Variants in GNA14 observed in about 807,000 individuals in gnomAD.
GNA14 encodes guanine nucleotide-binding protein subunit alpha-14.
Under a neutral mutation model 42.0 loss-of-function variants are expected in GNA14, and 50 were observed. The observed-to-expected ratio is 1.19, with a 90% CI of 0.95 to 1.51. The LOEUF (loss-of-function observed/expected upper bound fraction) is 1.51. Ranked by LOEUF, GNA14 falls within the 40% of genes most tolerant of loss-of-function variation. GNA14 has a pLI of 0.00. For missense variants in GNA14, 473 were observed against 446.2 expected (o/e 1.06, Z -0.54); for synonymous variants, 173 against 163.1 (o/e 1.06, Z -0.46).
chr9:77,551,344 G>A (rs1202970270), intron 1 of GNA14, among the ~76,000 whole-genome samples: 1 of 152,072 alleles, frequency 6.6e-6, no homozygotes, highest in Non-Finnish European at 1.5e-5. Flanking sequence ...CTGCAGATAA[G>A]CAGGGTCTTT....
intron 1 of GNA14, among the ~76,000 whole-genome samples, chr9:77,631,467 TAAAAAAA>T (rs59294268): frequency 8.1e-6 from 1 of 123,404 alleles, no homozygotes; most frequent in African/African-American, 3.0e-5. Context: ...ACTTTTTATG[TAAAAAAA>T]AAAAAAAAAA....
chr9:77,567,235 C>T (rs1822981025), intron 1 of GNA14, among the ~76,000 whole-genome samples: 1 of 152,190 alleles, frequency 6.6e-6, no homozygotes, highest in Admixed American at 6.5e-5. Flanking sequence ...TATTGACCTA[C>T]TCCAATTTTC....
At chr9:77,620,121 G>A (rs1823897644) in intron 1 of GNA14, among the ~76,000 whole-genome samples, 1 of 152,070 alleles carries the variant, frequency 6.6e-6, no homozygotes, top group Non-Finnish European at 1.5e-5. Flanking sequence ...CACACACAGA[G>A]TCTATCTGCC....
At chr9:77,584,878 G>A (rs1823279829) in intron 1 of GNA14, among the ~76,000 whole-genome samples, 1 of 152,110 alleles carries the variant, frequency 6.6e-6, no homozygotes, top group African/African-American at 2.4e-5. Context: ...ATGTTGCCAT[G>A]GCATTTGTAA....
chr9:77,620,707 C>A (rs140334804), intron 1 of GNA14, among the ~76,000 whole-genome samples: 5 of 151,910 alleles, frequency 3.3e-5, no homozygotes, highest in Non-Finnish European at 7.4e-5. Flanking sequence ...ATTAACCAGA[C>A]ATGGTGGTGC....
At chr9:77,614,800 G>C (rs1823784355) in intron 1 of GNA14, among the ~76,000 whole-genome samples, 1 of 152,062 alleles carries the variant, frequency 6.6e-6, no homozygotes, top group Admixed American at 6.5e-5. Context: ...CATTCTCTCT[G>C]CATCATCCAC....
intron 1 of GNA14, among the ~76,000 whole-genome samples, chr9:77,551,753 T>A (rs566108793): frequency 3.2e-4 from 49 of 151,552 alleles, no homozygotes; most frequent in African/African-American, 4.4e-4. Context: ...TTGCTTTTTT[T>A]AAAAAAAAAT....
Position 77,613,087 on chromosome 9 carries a change from G to A in GNA14, c.124+34583C>T, listed in dbSNP as rs181102990. 1.1e-3 allele frequency among the ~76,000 whole-genome samples: 174 copies of A among 152,244 alleles called. 3 individuals are homozygous for A. Among genetic ancestry groups the A allele is most frequent in the Admixed American group, 8.8e-3 (134 of 15,294 alleles). On this transcript the variant is annotated intron_variant, in intron 1 of 6. Transcript: ENST00000341700. ...GCACAACTGGATGGACTTGGAGAAC[G>A]TTATGCTAAGTGAAATAAGCCAGAC... is the stretch of plus-strand genomic sequence containing the variant.
At chr9:77,480,679 G>C (rs1836533662) in intron 2 of GNA14, among the ~76,000 whole-genome samples, 1 of 152,084 alleles carries the variant, frequency 6.6e-6, no homozygotes. Flanking sequence ...ATCTGGTCCT[G>C]GCTTTTTTTG....
At chr9:77,447,796 T>C (rs1835847713) in intron 2 of GNA14, among the ~76,000 whole-genome samples, 1 of 152,182 alleles carries the variant, frequency 6.6e-6, no homozygotes, top group South Asian at 2.1e-4. Flanking sequence ...GGGCCAGGTC[T>C]GGACATGGTG....
chr9:77,534,775 G>C (rs770348494), intron 1 of GNA14, among the ~76,000 whole-genome samples: 3 of 151,710 alleles, frequency 2.0e-5, no homozygotes, highest in Non-Finnish European at 4.4e-5. Flanking sequence ...TTTTTTTCTC[G>C]TTTCCTGATA....
rs1039939305 is a variant in GNA14 at position 77,477,966 on chromosome 9, G to A, written c.310-43444C>T. Among the ~76,000 whole-genome samples, 10 of 149,346 alleles carry A rather than the reference G, an allele frequency of 6.7e-5. 1 individual carries two copies. The East Asian group carries it at 1.4e-3, about 20-fold the overall frequency. On this transcript the variant is annotated intron_variant, in intron 2 of 6. Coordinates refer to ENST00000341700, the MANE Select transcript of GNA14 (RefSeq NM_004297.4). ...AGAACTATCCAGGCAGTGTAATAGC[G>A]ATCTGATGGGAGTTTAGAAAGCAAG...
At chr9:77,603,959 A>C (rs1587845022) in intron 1 of GNA14, among the ~76,000 whole-genome samples, 1 of 44,918 alleles carries the variant, frequency 2.2e-5, no homozygotes, top group African/African-American at 6.3e-5. Flanking sequence ...AAAAAAACAA[A>C]AAAAAAAAAA....
At chr9:77,558,578 A>G (rs1822827576) in intron 1 of GNA14, among the ~76,000 whole-genome samples, 1 of 152,194 alleles carries the variant, frequency 6.6e-6, no homozygotes, top group South Asian at 2.1e-4. Context: ...CAGATCGTAC[A>G]TCTAACCACA....
At chr9:77,615,865 G>C (rs937363494) in intron 1 of GNA14, among the ~76,000 whole-genome samples, 2 of 119,232 alleles carry the variant, frequency 1.7e-5, no homozygotes, top group Non-Finnish European at 3.3e-5. Flanking sequence ...TTGTTTTTTG[G>C]GGTTTTTTTT....
chr9:77,550,864 C>T (rs528338521), intron 1 of GNA14, among the ~76,000 whole-genome samples: 132 of 152,208 alleles, frequency 8.7e-4, no homozygotes, highest in Non-Finnish European at 1.7e-3. Flanking sequence ...CGTATTCACT[C>T]TCACACACTG....
intron 1 of GNA14, among the ~76,000 whole-genome samples, chr9:77,537,520 GT>G (rs1564047719): frequency 2.6e-5 from 4 of 152,134 alleles, no homozygotes; most frequent in African/African-American, 9.7e-5. Flanking sequence ...CTTTGCTATT[GT>G]GAATAGGGCT....
intron 1 of GNA14, among the ~76,000 whole-genome samples, chr9:77,630,950 T>G (rs1824088100): frequency 6.6e-6 from 1 of 152,206 alleles, no homozygotes; most frequent in Non-Finnish European, 1.5e-5. Flanking sequence ...TAGAGTCTAT[T>G]TTTTTCTGCC....
chr9:77,553,757 G>A (rs1363035858), intron 1 of GNA14, among the ~76,000 whole-genome samples: 2 of 152,120 alleles, frequency 1.3e-5, no homozygotes, highest in Non-Finnish European at 2.9e-5. Context: ...GGGATGTTAT[G>A]TCACCCAAAA....
Sources: gnomAD v4.1 joint callset for allele counts (sites outside exome capture counted in the v4.1 genomes callset) on GRCh38, gnomAD v4.1.1 for gene constraint, MANE v1.5 for transcripts, NCBI Gene and HGNC (gene_info 2026-07-23, HGNC 2026-07-21) for gene names.